Variants in NAV2 observed in about 807,000 individuals in gnomAD.
The protein encoded by NAV2 is helicase, APC down-regulated 1.
In NAV2, 54 loss-of-function variants were observed where a neutral mutation model predicts 223.2. The ratio of observed to expected loss-of-function variants is 0.24; its 90% CI spans 0.19 to 0.30. The LOEUF is 0.30. NAV2 is among the 10% of genes least tolerant of loss of function. The pLI is 1.00. For synonymous variants in NAV2, 1,279 were observed against 1,239.3 expected (o/e 1.03, Z -0.67); for missense variants, 2,806 against 3,147.5 (o/e 0.89, Z 2.60).
At chr11:19,903,795 A>G (rs1291164863) in intron 6 of NAV2, among the ~76,000 whole-genome samples, 1 of 152,052 alleles carries the variant, frequency 6.6e-6, no homozygotes, top group Non-Finnish European at 1.5e-5. Context: ...GCTTGGGAGG[A>G]TAATAACTTG....
chr11:19,749,976 C>G (rs1454481880), intron 1 of NAV2, among the ~76,000 whole-genome samples: 1 of 152,188 alleles, frequency 6.6e-6, no homozygotes, highest in Non-Finnish European at 1.5e-5. Context: ...GTTCTTGACT[C>G]TTGAAAATTA....
intron 1 of NAV2, among the ~76,000 whole-genome samples, chr11:19,456,420 A>G (rs1851960969): frequency 6.6e-6 from 1 of 152,106 alleles, no homozygotes; most frequent in Non-Finnish European, 1.5e-5. Flanking sequence ...TATTATCCCT[A>G]CTTCACAGAT....
At chr11:19,704,427 G>C (rs569480490) in intron 1 of NAV2, among the ~76,000 whole-genome samples, 24 of 152,238 alleles carry the variant, frequency 1.6e-4, no homozygotes, top group African/African-American at 5.5e-4. Flanking sequence ...ATAGTATACT[G>C]TCTACTGTCC....
chr11:19,427,851 T>C (rs1438277315), intron 1 of NAV2, among the ~76,000 whole-genome samples: 1 of 152,214 alleles, frequency 6.6e-6, no homozygotes, highest in East Asian at 1.9e-4. Flanking sequence ...TTGTTTCTTA[T>C]TGGGTTGTTG....
At chr11:19,860,234 C>A (rs1320271903) in intron 3 of NAV2, among the ~76,000 whole-genome samples, 1 of 144,598 alleles carries the variant, frequency 6.9e-6, no homozygotes, top group African/African-American at 2.6e-5. Context: ...ACTTCCCAGA[C>A]GGGGTGGCTG....
At chr11:19,655,392 G>T (rs1380488530) in intron 1 of NAV2, among the ~76,000 whole-genome samples, 1 of 152,108 alleles carries the variant, frequency 6.6e-6, no homozygotes, top group East Asian at 1.9e-4. Flanking sequence ...CCATTAATGG[G>T]TATATACCCA....
intron 11 of NAV2, among the ~76,000 whole-genome samples, chr11:19,997,458 G>C (rs542774256): frequency 7.2e-5 from 11 of 152,230 alleles, no homozygotes; most frequent in African/African-American, 2.6e-4. Context: ...TGACAGTTTG[G>C]GATCAGTGGT....
At chr11:19,959,674 T>C (rs1043940439) in intron 10 of NAV2, among the ~76,000 whole-genome samples, 3 of 152,158 alleles carry the variant, frequency 2.0e-5, no homozygotes, top group Admixed American at 2.0e-4. Flanking sequence ...ACTTAACATA[T>C]TTCATGCTCT....
chr11:19,811,051 G>A (rs902350567), intron 1 of NAV2, among the ~76,000 whole-genome samples: 2 of 152,180 alleles, frequency 1.3e-5, no homozygotes, highest in Non-Finnish European at 1.5e-5. Flanking sequence ...TGAATGGGTG[G>A]AATGACACAC....
chr11:19,998,385 G>A lies in NAV2; in HGVS notation c.2768+14138G>A, dbSNP rs75866978. On this transcript the variant is annotated intron_variant, in intron 11 of 37. Coordinates refer to ENST00000349880, the MANE Select transcript of NAV2 (RefSeq NM_145117.5). This position sits in a 1 kb window ranked among gnomAD's most constrained non-coding sequence, Gnocchi z 5.0. The stretch of plus-strand genomic sequence containing the variant: ...GAGCTCTCCCACTGCAGCCTTCCAG[G>A]CCCACTGTACCCACCAGGGCCTTCA... Among the ~76,000 whole-genome samples, 7,237 of 151,966 alleles carry A rather than the reference G, an allele frequency of 0.048. 586 individuals carry two copies. The highest frequency in any genetic ancestry group is 0.17 in the African/African-American group (6,897 of 41,396).
At chr11:19,674,778 C>T (rs1489526430) in intron 1 of NAV2, among the ~76,000 whole-genome samples, 2 of 152,204 alleles carry the variant, frequency 1.3e-5, no homozygotes, top group East Asian at 1.9e-4. Flanking sequence ...TTCCTGGCCT[C>T]TTGTTTGACC....
At chr11:19,978,417 G>GT in intron 10 of NAV2, among the ~76,000 whole-genome samples, 1 of 152,132 alleles carries the variant, frequency 6.6e-6, no homozygotes, top group Admixed American at 6.5e-5. Context: ...GCCCCCATTA[G>GT]TTTTTTCAAT....
chr11:19,411,516 G>A (rs1320689492), intron 1 of NAV2, among the ~76,000 whole-genome samples: 2 of 152,060 alleles, frequency 1.3e-5, no homozygotes, highest in Non-Finnish European at 2.9e-5. Context: ...TCCTTCATCT[G>A]GTTGTGTCCC....
chr11:19,350,824 G>A (rs1564868471), exon 1 of NAV2: 2 of 831,766 alleles, frequency 2.4e-6, no homozygotes, highest in East Asian at 2.7e-5. Flanking sequence ...TTGAAGAGGT[G>A]GTGCTGATTT....
intron 5 of NAV2, among the ~76,000 whole-genome samples, chr11:19,883,378 A>G (rs994518990): frequency 3.3e-5 from 5 of 152,194 alleles, no homozygotes; most frequent in Admixed American, 1.3e-4. Flanking sequence ...CATAACTGAC[A>G]TGGTGGCCAA....
At chr11:19,558,585 A>G (rs1361574618) in intron 1 of NAV2, among the ~76,000 whole-genome samples, 1 of 152,204 alleles carries the variant, frequency 6.6e-6, no homozygotes, top group Non-Finnish European at 1.5e-5. Flanking sequence ...CCACCTTCCT[A>G]TGGCCCAATG....
chr11:19,785,279 T>C (rs1415000203), intron 1 of NAV2, among the ~76,000 whole-genome samples: 1 of 152,248 alleles, frequency 6.6e-6, no homozygotes, highest in East Asian at 1.9e-4. Context: ...CAGGGCCTCA[T>C]GGCCTGCAGC....
chr11:19,850,737 G>A (rs1401482881), intron 3 of NAV2, among the ~76,000 whole-genome samples: 2 of 152,124 alleles, frequency 1.3e-5, no homozygotes, highest in African/African-American at 4.8e-5. Context: ...TGCTTGAGGT[G>A]AGCATATTTA....
chr11:19,807,790 C>T (rs543956546), intron 1 of NAV2, among the ~76,000 whole-genome samples: 1 of 152,358 alleles, frequency 6.6e-6, no homozygotes, highest in South Asian at 2.1e-4. Context: ...AAAAAATTCT[C>T]TCTCTACACG....
Sources: allele counts gnomAD v4.1 joint callset (sites outside exome capture counted in the v4.1 genomes callset), GRCh38; gene constraint gnomAD v4.1.1; non-coding constraint Gnocchi (gnomAD v3.1); transcripts MANE v1.5; gene names NCBI Gene and HGNC (gene_info 2026-07-23, HGNC 2026-07-21).